TMEM117: variants seen among roughly 807,000 people sequenced by gnomAD.
TMEM117 encodes transmembrane protein 117.
In TMEM117, 27 loss-of-function variants were observed where a neutral mutation model predicts 52.4. The observed-to-expected ratio is 0.51, with a 90% CI of 0.38 to 0.71. The LOEUF is 0.71. TMEM117 is among the 30% of genes least tolerant of loss of function. The probability of loss-of-function intolerance (pLI) is 0.00; values close to 1 mark genes in which losing one functional copy is unlikely to be tolerated. For missense variants in TMEM117, 556 were observed against 630.5 expected, an observed-to-expected ratio of 0.88 and a Z score of 1.26; for synonymous variants, 215 against 206.3, an observed-to-expected ratio of 1.04 and a Z score of -0.36.
chr12:44,248,793 A>G lies in TMEM117; in HGVS notation c.608+37406A>G, dbSNP rs1950162189. Reference sequence around the variant, plus strand: ...CCAGGCTTGGATCTTGATGACTGCCATATCTTTGTCAGAGAGCTTCTTTTG... The same window carrying G: ...CCAGGCTTGGATCTTGATGACTGCCGTATCTTTGTCAGAGAGCTTCTTTTG... On this transcript the variant is annotated intron_variant, in intron 5 of 7. Coordinates refer to ENST00000266534, the MANE Select transcript of TMEM117 (RefSeq NM_032256.3). 1.7e-5 allele frequency: 3 copies of G among 172,540 alleles called. No individual in the cohort carries two copies. The South Asian group carries it at 4.8e-4, about 28-fold the overall frequency. 10.7% of individuals were successfully genotyped at this position (172,540 alleles called of 1,614,324 possible). A position where few individuals can be genotyped will look rare whatever the true frequency, so the allele number is the denominator to read the frequency against.
At chr12:44,360,588 G>T (rs914281049) in intron 6 of TMEM117, among the ~76,000 whole-genome samples, 3 of 149,914 alleles carry the variant, frequency 2.0e-5, no homozygotes, top group Non-Finnish European at 4.4e-5. Flanking sequence ...AAAAGTCAAA[G>T]ATTAAAAATA....
chr12:43,979,455 C>T (rs184506424), intron 3 of TMEM117, among the ~76,000 whole-genome samples: 1 of 152,070 alleles, frequency 6.6e-6, no homozygotes, highest in East Asian at 1.9e-4. Flanking sequence ...TTTAGCATTC[C>T]TTGAGGAAGT....
intron 6 of TMEM117, among the ~76,000 whole-genome samples, chr12:44,326,841 G>A (rs373738359): frequency 1.3e-5 from 2 of 152,144 alleles, no homozygotes; most frequent in East Asian, 3.9e-4. Flanking sequence ...AATTCAGTAG[G>A]TTCACACTGT....
At chr12:43,886,624 C>CT (rs1943999459) in intron 2 of TMEM117, among the ~76,000 whole-genome samples, 1 of 151,850 alleles carries the variant, frequency 6.6e-6, no homozygotes, top group Admixed American at 6.6e-5. Flanking sequence ...GTAGCCATTT[C>CT]TTTTTTTTAA....
At chr12:44,089,858 A>G (rs1947633283) in intron 3 of TMEM117, among the ~76,000 whole-genome samples, 2 of 152,170 alleles carry the variant, frequency 1.3e-5, no homozygotes, top group Admixed American at 6.5e-5. Flanking sequence ...AAAAACAGCC[A>G]TAGACAATTC....
At position 44,388,587 on chromosome 12, in the gene TMEM117, AC is replaced by A; in HGVS notation, c.1461del (p.Leu488Ter). ...AAGTCTTCCCACCTAACCTCGGAAA[AC>A]TTGAGCTCACAGTTGAACGAATCTA... ...VYKSSHLTSE[N>X]LSSQLNESTS... On this transcript the variant is annotated frameshift_variant, in exon 8 of 8. Coordinates refer to ENST00000266534, the MANE Select transcript of TMEM117 (RefSeq NM_032256.3). LOFTEE classifies it high-confidence loss of function. 1 of 1,613,476 alleles carries A rather than the reference AC, an allele frequency of 6.2e-7. No individual in the cohort carries two copies. Among genetic ancestry groups the A allele is most frequent in the Non-Finnish European group, 8.5e-7 (1 of 1,179,580 alleles).
chr12:44,180,668 A>G lies in TMEM117; in HGVS notation c.511-30622A>G, dbSNP rs535731358. On this transcript the variant is annotated intron_variant, in intron 4 of 7. Transcript: ENST00000266534. ...GATTTCCAATTTCACCCATGTCCCT[A>G]CAAAGGACATGAACTCATCATTTTT... Among the ~76,000 whole-genome samples, 15 of 151,950 alleles carry G rather than the reference A, an allele frequency of 9.9e-5. No individual in the cohort carries two copies. In the South Asian group the frequency reaches 3.1e-3, roughly 32 times the overall value.
At chr12:44,353,863 A>G (rs1452594803) in intron 6 of TMEM117, among the ~76,000 whole-genome samples, 3 of 152,216 alleles carry the variant, frequency 2.0e-5, no homozygotes, top group African/African-American at 7.2e-5. Context: ...TGGGGATGGC[A>G]TTGAATCTAT....
chr12:44,160,189 T>A (rs1948879992), intron 4 of TMEM117, among the ~76,000 whole-genome samples: 1 of 152,180 alleles, frequency 6.6e-6, no homozygotes, highest in Non-Finnish European at 1.5e-5. Context: ...GCGTTAGCCC[T>A]TTTAGATCGC....
At chr12:44,307,051 G>A (rs184921973) in intron 6 of TMEM117, among the ~76,000 whole-genome samples, 39 of 152,244 alleles carry the variant, frequency 2.6e-4, no homozygotes, top group African/African-American at 9.1e-4. Context: ...TGTTTTGTGC[G>A]TGGCTCTAAG....
chr12:44,052,695 A>G (rs999166194), intron 3 of TMEM117, among the ~76,000 whole-genome samples: 1 of 152,150 alleles, frequency 6.6e-6, no homozygotes, highest in African/African-American at 2.4e-5. Flanking sequence ...AGTGTGGCCC[A>G]CGTCTGACCC....
intron 5 of TMEM117, among the ~76,000 whole-genome samples, chr12:44,274,458 A>G (rs181929072): frequency 1.3e-5 from 2 of 152,244 alleles, no homozygotes; most frequent in East Asian, 3.9e-4. Context: ...AAGCAATTCT[A>G]AAAATATATG....
intron 2 of TMEM117, among the ~76,000 whole-genome samples, chr12:43,918,640 AT>A (rs963851591): frequency 1.3e-5 from 2 of 152,152 alleles, no homozygotes; most frequent in African/African-American, 4.8e-5. Flanking sequence ...AAAAACATTA[AT>A]TTGATGCTTC....
intron 3 of TMEM117, among the ~76,000 whole-genome samples, chr12:44,051,316 A>G (rs1318057238): frequency 6.6e-6 from 1 of 152,248 alleles, no homozygotes; most frequent in Non-Finnish European, 1.5e-5. Context: ...TAATAATAAT[A>G]ATGACAGTAA....
At chr12:43,940,787 G>T (rs922148154) in intron 2 of TMEM117, among the ~76,000 whole-genome samples, 26 of 152,134 alleles carry the variant, frequency 1.7e-4, no homozygotes, top group Admixed American at 7.9e-4. Context: ...CAGGTGATCC[G>T]CCTGCCTCGG....
chr12:44,042,332 T>TA (rs1435534221), intron 3 of TMEM117, among the ~76,000 whole-genome samples: 2 of 149,654 alleles, frequency 1.3e-5, no homozygotes, highest in Non-Finnish European at 2.9e-5. Flanking sequence ...CTTATTTATT[T>TA]AAAAAAACTT....
chr12:43,862,242 C>G (rs1476001337), intron 2 of TMEM117, among the ~76,000 whole-genome samples: 1 of 152,162 alleles, frequency 6.6e-6, no homozygotes, highest in Non-Finnish European at 1.5e-5. Context: ...GCTCTCGGCT[C>G]ACTGCAAGCT....
At position 44,388,955 on chromosome 12, in the gene TMEM117, G is replaced by A. The variant is rs145250942; in HGVS notation, c.*283G>A. 1,231 of 354,440 alleles carry A rather than the reference G, an allele frequency of 3.5e-3. 7 individuals are homozygous for A. Among genetic ancestry groups the A allele is most frequent in the Admixed American group, 7.1e-3 (168 of 23,580 alleles). 22.0% of individuals were successfully genotyped at this position (354,440 alleles called of 1,614,324 possible). A position where few individuals can be genotyped will look rare whatever the true frequency, so the allele number is the denominator to read the frequency against. ...AGTGGAAGATTAGCTGATGACCCAT[G>A]TATCTGATGTTCAACCATAGTGGTG... On this transcript the variant is annotated 3_prime_UTR_variant, in exon 8 of 8. Coordinates refer to ENST00000266534, the MANE Select transcript of TMEM117 (RefSeq NM_032256.3).
chr12:44,382,299 C>T (rs1485920300), intron 7 of TMEM117, among the ~76,000 whole-genome samples: 1 of 152,118 alleles, frequency 6.6e-6, no homozygotes, highest in Admixed American at 6.5e-5. Flanking sequence ...AGAGGAAGGA[C>T]TCGAAATATA....
Sources: allele counts gnomAD v4.1 joint callset (sites outside exome capture counted in the v4.1 genomes callset), GRCh38; gene constraint gnomAD v4.1.1; transcripts MANE v1.5; gene names NCBI Gene and HGNC (gene_info 2026-07-23, HGNC 2026-07-21).